CHST13: variants seen among roughly 807,000 people sequenced by gnomAD.
CHST13 encodes the protein C4ST-3.
In CHST13, 1 loss-of-function variant was observed where a neutral mutation model predicts 7.0. The observed-to-expected ratio is 0.14, with a 90% CI of 0.05 to 0.68. The LOEUF (loss-of-function observed/expected upper bound fraction) is 0.68. Ranked by LOEUF, CHST13 falls within the 30% of genes least tolerant of loss-of-function variation. The probability of loss-of-function intolerance (pLI) is 0.82; values close to 1 mark genes in which losing one functional copy is unlikely to be tolerated. For synonymous variants in CHST13, 257 were observed against 240.9 expected (o/e 1.07, Z -0.62); for missense variants, 572 against 507.9 (o/e 1.13, Z -1.21).
intron 1 of CHST13, among the ~76,000 whole-genome samples, chr3:126,533,948 G>T (rs1241200641): frequency 2.6e-5 from 4 of 152,098 alleles, no homozygotes; most frequent in African/African-American, 9.7e-5. Flanking sequence ...TCAATTTCAA[G>T]AATTTCTGTC....
In CHST13 at chr3:126,542,002, C is replaced by G. The variant is rs1021589837; in HGVS notation, c.450C>G (p.Pro150=). Residue 150 remains proline, a synonymous_variant, in exon 3 of 3, where the codon CCC becomes CCG. Transcript: ENST00000319340. The part of the protein sequence containing the change: ...AQEAHAPGRL[P]SLADFSPAEI... ...AGGCGCACGCGCCTGGCCGCCTGCC[C>G]TCACTGGCCGACTTCAGCCCCGCCG... The G allele has an allele frequency of 2.6e-6, 4 of 1,561,434 alleles. No individual in the cohort carries two copies. The highest frequency in any genetic ancestry group is 2.4e-5 in the East Asian group (1 of 41,980).
intron 2 of CHST13, among the ~76,000 whole-genome samples, chr3:126,539,448 C>T (rs948544318): frequency 2.0e-5 from 3 of 151,672 alleles, no homozygotes; most frequent in African/African-American, 7.3e-5. Flanking sequence ...GACACACACA[C>T]AACCACAAAC....
intron 1 of CHST13, chr3:126,527,792 G>A (rs3845960): frequency 0.45 from 67,773 of 151,972 alleles, 15,496 homozygotes; most frequent in African/African-American, 0.55. Flanking sequence ...GGAGTGTCCC[G>A]AGTTCAGAGG....
chr3:126,524,371 C>T lies in CHST13; in HGVS notation c.39C>T (p.Ala13=). Residue 13 remains alanine (A), a synonymous_variant, in exon 1 of 3, where the codon GCC becomes GCT. Transcript: ENST00000319340. The stretch of plus-strand genomic sequence containing the variant: ...GCTGCCGGCGGCGCGTGCTGGCGGC[C>T]GCCTGTCTGGGCGCCGCGCTCCTGC... ...RRCCRRRVLA[A]ACLGAALLLL... The T allele has an allele frequency of 8.1e-7, 1 of 1,236,100 alleles. No homozygotes were observed. Among genetic ancestry groups the T allele is most frequent in the Non-Finnish European group, 1.0e-6 (1 of 989,924 alleles). 76.6% of individuals were successfully genotyped at this position (1,236,100 alleles called of 1,614,324 possible). A position where few individuals can be genotyped will look rare whatever the true frequency, so the allele number is the denominator to read the frequency against.
rs1295896358 is a variant in CHST13 at position 126,542,714 on chromosome 3, C to T, written c.*136C>T. 1.6e-6 allele frequency: 2 copies of T among 1,285,178 alleles called. No homozygotes were observed. The highest frequency in any genetic ancestry group is 2.0e-6 in the Non-Finnish European group (2 of 999,304). The allele number at this position is 1,285,178 out of a possible 1,614,324, so 79.6% of individuals were successfully genotyped here. On this transcript the variant is annotated 3_prime_UTR_variant, in exon 3 of 3. Coordinates refer to ENST00000319340, the MANE Select transcript of CHST13 (RefSeq NM_152889.3). ...CTCACCTGGCCGCCGGGCCAGCGGGCGCAGGGCACACCTGGCCAGGCTTGG... is the reference window on the plus strand; with the variant it reads ...CTCACCTGGCCGCCGGGCCAGCGGGTGCAGGGCACACCTGGCCAGGCTTGG...
Position 126,542,579 on chromosome 3 carries a change from C to G in CHST13, c.*1C>G, listed in dbSNP as rs201021354. The stretch of plus-strand genomic sequence containing the variant: ...CCCCTCCTACCTGCGGCTGCTCTAG[C>G]GGTCCTGGAGGTCCTGTGGCCACGC... On this transcript the variant is annotated 3_prime_UTR_variant, in exon 3 of 3. Coordinates refer to ENST00000319340, the MANE Select transcript of CHST13 (RefSeq NM_152889.3). 1.0e-5 allele frequency: 15 copies of G among 1,482,076 alleles called. No homozygotes were observed. Among genetic ancestry groups the G allele is most frequent in the Non-Finnish European group, 1.3e-5 (14 of 1,119,556 alleles). The allele number at this position is 1,482,076 out of a possible 1,614,324, so 91.8% of individuals were successfully genotyped here. A position where few individuals can be genotyped will look rare whatever the true frequency, so the allele number is the denominator to read the frequency against.
At position 126,524,216 on chromosome 3, in the gene CHST13, TGCGCC is replaced by T. The variant is rs1464844444; in HGVS notation, c.-107_-103del. 2 of 812,844 alleles carry T rather than the reference TGCGCC, an allele frequency of 2.5e-6. No individual in the cohort carries two copies. The highest frequency in any genetic ancestry group is 1.8e-5 in the African/African-American group (1 of 55,398). 50.4% of individuals were successfully genotyped at this position (812,844 alleles called of 1,614,324 possible). On this transcript the variant is annotated 5_prime_UTR_variant, in exon 1 of 3. Transcript: ENST00000319340. ...GTCCAGCTGCCGTGCTCCCCTGCCC[TGCGCC>T]GCGCCGCGCGTCTTGGTAGGCGCTG...
rs1056522 is a variant in CHST13, at chr3:126,542,502, G to A, written c.950G>A (p.Arg317Gln). 0.3 allele frequency: 478,479 copies of A among 1,571,118 alleles called. 74,755 individuals are homozygous for A. The highest frequency in any genetic ancestry group is 0.45 in the African/African-American group (32,445 of 71,352). The change falls in exon 3 of 3, where the codon CGG becomes CAG. Residue 317 changes from arginine (R) to glutamine (Q), a missense_variant. By Grantham distance (43) the Arg-to-Gln change is conservative. Coordinates refer to ENST00000319340, the MANE Select transcript of CHST13 (RefSeq NM_152889.3). ...CGGGACATCAGCCCCTTCTACCAGC[G>A]GCGCCTCTTCGACCTCTACAAGATG... ...LFRDISPFYQRRLFDLYKMDF... is the reference protein window; with the variant it reads ...LFRDISPFYQQRLFDLYKMDF...
rs769105010 is a variant in CHST13 at position 126,542,581 on chromosome 3, G to T, written c.*3G>T. ...CCTCCTACCTGCGGCTGCTCTAGCG[G>T]TCCTGGAGGTCCTGTGGCCACGCGG... On this transcript the variant is annotated 3_prime_UTR_variant, in exon 3 of 3. Transcript: ENST00000319340. 15 of 1,468,078 alleles carry T rather than the reference G, an allele frequency of 1.0e-5. No individual in the cohort carries two copies. The highest frequency in any genetic ancestry group is 1.5e-5 in the African/African-American group (1 of 67,544). 90.9% of individuals were successfully genotyped at this position (1,468,078 alleles called of 1,614,324 possible).
chr3:126,539,045 C>T (rs944362458), intron 2 of CHST13, among the ~76,000 whole-genome samples: 1 of 152,154 alleles, frequency 6.6e-6, no homozygotes, highest in African/African-American at 2.4e-5. Flanking sequence ...CGTGTGCTTA[C>T]AGTAACTTCT....
Position 126,542,779 on chromosome 3 carries a change from C to A in CHST13, c.*201C>A. The A allele has an allele frequency of 2.9e-6, 2 of 687,894 alleles. No individual in the cohort carries two copies. The highest frequency in any genetic ancestry group is 2.1e-6 in the Non-Finnish European group (1 of 478,638). 42.6% of individuals were successfully genotyped at this position (687,894 alleles called of 1,614,324 possible). A position where few individuals can be genotyped will look rare whatever the true frequency, so the allele number is the denominator to read the frequency against. On this transcript the variant is annotated 3_prime_UTR_variant, in exon 3 of 3. Coordinates refer to ENST00000319340, the MANE Select transcript of CHST13 (RefSeq NM_152889.3). ...AGGTGGCCCTGCACGCGTGTGCCTG[C>A]CTCGGCCTGTCGCCTGAGGCCTGCT...
intron 2 of CHST13, among the ~76,000 whole-genome samples, chr3:126,539,055 T>C (rs1444862146): frequency 2.0e-5 from 3 of 152,160 alleles, no homozygotes; most frequent in African/African-American, 4.8e-5. Context: ...CAGTAACTTC[T>C]TGAGAATCTC....
intron 2 of CHST13, 144 bp from the exon 3 acceptor site, chr3:126,541,589 A>T: frequency 1.5e-6 from 1 of 663,888 alleles, no homozygotes; most frequent in Non-Finnish European, 2.4e-6. Flanking sequence ...CACAGTGATC[A>T]GTGACAGCCC....
chr3:126,538,041 C>G (rs528701644), intron 2 of CHST13, among the ~76,000 whole-genome samples: 1 of 152,194 alleles, frequency 6.6e-6, no homozygotes, highest in Non-Finnish European at 1.5e-5. Context: ...GAGTTGGAGC[C>G]CCGGCTTCCC....
At chr3:126,525,023 GCT>G (rs980893691) in intron 1 of CHST13, among the ~76,000 whole-genome samples, 4 of 152,170 alleles carry the variant, frequency 2.6e-5, no homozygotes, top group African/African-American at 9.7e-5. Flanking sequence ...CTGAGTCTTT[GCT>G]CTGAGTCTCT....
intron 1 of CHST13, among the ~76,000 whole-genome samples, chr3:126,526,721 TAGGGTC>T (rs1443292211): frequency 6.6e-6 from 1 of 152,184 alleles, no homozygotes; most frequent in Non-Finnish European, 1.5e-5. Flanking sequence ...GCCTACTGCT[TAGGGTC>T]CCAGGGAGGA....
intron 1 of CHST13, among the ~76,000 whole-genome samples, chr3:126,526,765 C>T (rs1576744022): frequency 6.6e-6 from 1 of 152,342 alleles, no homozygotes; most frequent in African/African-American, 2.4e-5. Context: ...GGGGCAGCTG[C>T]CCAGAGCACT....
At chr3:126,525,777 T>C (rs1413262185) in intron 1 of CHST13, among the ~76,000 whole-genome samples, 2 of 152,150 alleles carry the variant, frequency 1.3e-5, no homozygotes, top group East Asian at 3.9e-4. Context: ...GCATACATCT[T>C]TGAGTGACTG....
In CHST13 at chr3:126,524,310, C is replaced by CTCCGCCGCGCGCCCGGCA; in HGVS notation, c.-22_-5dup. ...CCCCAGCCGTATCCAGCGGACTGTC[C>CTCCGCCGCGCGCCCGGCA]TCCGCCGCGCGCCCGGCACAGCATG... On this transcript the variant is annotated 5_prime_UTR_variant, in exon 1 of 3. Transcript: ENST00000319340. The CTCCGCCGCGCGCCCGGCA allele has an allele frequency of 8.1e-7, 1 of 1,231,800 alleles. No individual in the cohort carries two copies. Among genetic ancestry groups the CTCCGCCGCGCGCCCGGCA allele is most frequent in the Non-Finnish European group, 1.0e-6 (1 of 987,644 alleles). The allele number at this position is 1,231,800 out of a possible 1,614,324, so 76.3% of individuals were successfully genotyped here. A position where few individuals can be genotyped will look rare whatever the true frequency, so the allele number is the denominator to read the frequency against.
Sources: gnomAD v4.1 joint callset for allele counts (sites outside exome capture counted in the v4.1 genomes callset) on GRCh38, gnomAD v4.1.1 for gene constraint, MANE v1.5 for transcripts, NCBI Gene and HGNC (gene_info 2026-07-23, HGNC 2026-07-21) for gene names.